The following CNBD1 variants were observed in gnomAD, a reference collection of about 807,000 sequenced individuals.
The protein encoded by CNBD1 is cyclic nucleotide-binding domain-containing protein 1.
In CNBD1, 71 loss-of-function variants were observed where a neutral mutation model predicts 54.4. That is an observed-to-expected ratio of 1.30 (90% CI 1.08 to 1.59). CNBD1 has a LOEUF of 1.59. CNBD1 is among the 40% of genes most tolerant of loss of function. The pLI, the probability that CNBD1 is intolerant of heterozygous loss-of-function variation, is 0.00. For synonymous variants in CNBD1, 182 were observed against 170.7 expected, an observed-to-expected ratio of 1.07 and a Z score of -0.51; for missense variants, 659 against 518.0, an observed-to-expected ratio of 1.27 and a Z score of -2.64.
chr8:87,364,999 T>C (rs1346488686), intron 10 of CNBD1, among the ~76,000 whole-genome samples: 1 of 152,064 alleles, frequency 6.6e-6, no homozygotes, highest in East Asian at 1.9e-4. Flanking sequence ...TTCTTTTTGG[T>C]ATATACCCAG....
intron 8 of CNBD1, among the ~76,000 whole-genome samples, chr8:87,335,282 C>T (rs1809921279): frequency 6.6e-6 from 1 of 152,126 alleles, no homozygotes; most frequent in African/African-American, 2.4e-5. Flanking sequence ...TCTTGTTAAT[C>T]TGTCTAATAT....
chr8:87,270,904 G>C (rs561152181), intron 6 of CNBD1, among the ~76,000 whole-genome samples: 1 of 151,570 alleles, frequency 6.6e-6, no homozygotes, highest in South Asian at 2.1e-4. Context: ...AATGTCCTGG[G>C]CTTTTGTTTG....
intron 4 of CNBD1, among the ~76,000 whole-genome samples, chr8:87,101,336 G>A (rs186289537): frequency 8.9e-4 from 135 of 152,222 alleles, no homozygotes; most frequent in Non-Finnish European, 1.6e-3. Flanking sequence ...TTGAGAAAGT[G>A]TGGGAAAGAA....
At chr8:87,419,483 T>C (rs1199190556) in intron 2 of CNBD1, among the ~76,000 whole-genome samples, 1 of 151,872 alleles carries the variant, frequency 6.6e-6, no homozygotes, top group East Asian at 1.9e-4. Flanking sequence ...ATGCATAAGA[T>C]TTGGAGAAAA....
chr8:87,077,388 C>G (rs1810893435), intron 4 of CNBD1, among the ~76,000 whole-genome samples: 2 of 148,440 alleles, frequency 1.3e-5, no homozygotes, highest in Admixed American at 6.7e-5. Context: ...CTAACTAGCT[C>G]TTAGGCCTCT....
chr8:87,342,992 CT>C (rs1442888772), intron 8 of CNBD1, among the ~76,000 whole-genome samples: 2 of 152,120 alleles, frequency 1.3e-5, no homozygotes, highest in Non-Finnish European at 2.9e-5. Context: ...TTCAGTCCTT[CT>C]CTCGACTGCA....
At chr8:86,920,007 T>C (rs368767743) in intron 3 of CNBD1, among the ~76,000 whole-genome samples, 3 of 151,620 alleles carry the variant, frequency 2.0e-5, no homozygotes, top group African/African-American at 7.3e-5. Flanking sequence ...TCTTTCAGAA[T>C]GTGAAAAAAA....
At chr8:87,016,076 C>G (rs1345206030) in intron 4 of CNBD1, among the ~76,000 whole-genome samples, 1 of 144,782 alleles carries the variant, frequency 6.9e-6, no homozygotes, top group Non-Finnish European at 1.5e-5. Context: ...CACTTTCAAA[C>G]TAAATAAAAT....
chr8:87,285,562 C>A (rs1294524853), intron 7 of CNBD1, among the ~76,000 whole-genome samples: 3 of 152,010 alleles, frequency 2.0e-5, no homozygotes, highest in Admixed American at 1.3e-4. Context: ...CATGGAGAAA[C>A]CCCTTCTCTA....
intron 4 of CNBD1, among the ~76,000 whole-genome samples, chr8:87,006,887 T>G (rs1012669347): frequency 2.0e-5 from 3 of 152,224 alleles, no homozygotes; most frequent in Non-Finnish European, 2.9e-5. Context: ...AGTACGTAAT[T>G]GAACATTGTA....
intron 4 of CNBD1, among the ~76,000 whole-genome samples, chr8:87,171,241 A>G (rs1352528360): frequency 2.0e-5 from 3 of 151,864 alleles, no homozygotes; most frequent in Non-Finnish European, 4.4e-5. Flanking sequence ...TCCTGGTTCA[A>G]TCTTGGTAGG....
chr8:86,968,886 C>G (rs1009269689), intron 4 of CNBD1, among the ~76,000 whole-genome samples: 1 of 152,104 alleles, frequency 6.6e-6, no homozygotes, highest in Non-Finnish European at 1.5e-5. Context: ...TATCTTTTGT[C>G]CTGCACCTGT....
At chr8:86,928,719 T>C (rs1467131193) in intron 3 of CNBD1, among the ~76,000 whole-genome samples, 1 of 152,156 alleles carries the variant, frequency 6.6e-6, no homozygotes, top group Non-Finnish European at 1.5e-5. Flanking sequence ...TATTTTTTGT[T>C]CCCCTAGAGG....
At chr8:87,373,246 C>T (rs907471591) in intron 10 of CNBD1, among the ~76,000 whole-genome samples, 1 of 151,756 alleles carries the variant, frequency 6.6e-6, no homozygotes, top group Non-Finnish European at 1.5e-5. Context: ...GATACTTCTA[C>T]TGACCCAATG....
At chr8:87,108,219 A>T (rs1054486052) in intron 4 of CNBD1, among the ~76,000 whole-genome samples, 7 of 152,118 alleles carry the variant, frequency 4.6e-5, no homozygotes, top group African/African-American at 9.7e-5. Flanking sequence ...CTTCTCATCT[A>T]GTCCTCAAGC....
chr8:86,947,224 A>C (rs1348886827), intron 4 of CNBD1, among the ~76,000 whole-genome samples: 2 of 152,136 alleles, frequency 1.3e-5, no homozygotes, highest in East Asian at 1.9e-4. Flanking sequence ...TAGTCTAAGA[A>C]AATGGTGGTT....
At chr8:87,128,477 G>A (rs1248215010) in intron 4 of CNBD1, among the ~76,000 whole-genome samples, 1 of 152,194 alleles carries the variant, frequency 6.6e-6, no homozygotes, top group Middle Eastern at 3.2e-3. Flanking sequence ...TTCTGTGAGG[G>A]ACGTCAGGGA....
chr8:87,178,171 C>T (rs1380240249), intron 4 of CNBD1, among the ~76,000 whole-genome samples: 2 of 152,196 alleles, frequency 1.3e-5, no homozygotes, highest in Non-Finnish European at 2.9e-5. Flanking sequence ...CATCTTCATT[C>T]TGTGTTTATT....
At chr8:86,943,588 G>A (rs1341489882) in intron 4 of CNBD1, among the ~76,000 whole-genome samples, 6 of 151,894 alleles carry the variant, frequency 4.0e-5, no homozygotes. Context: ...CATGGGGGTG[G>A]TGCCACCATA....
Sources: gnomAD v4.1 joint callset for allele counts (sites outside exome capture counted in the v4.1 genomes callset) on GRCh38, gnomAD v4.1.1 for gene constraint, MANE v1.5 for transcripts, NCBI Gene and HGNC (gene_info 2026-07-23, HGNC 2026-07-21) for gene names.